PNPLA1: variants seen among roughly 807,000 people sequenced by gnomAD.
PNPLA1 encodes omega-hydroxyceramide transacylase.
In PNPLA1, 36 loss-of-function variants were observed where a neutral mutation model predicts 51.7. The observed-to-expected ratio is 0.70, with a 90% CI of 0.53 to 0.92. PNPLA1 has a LOEUF of 0.92. Ranked by LOEUF, PNPLA1 falls within the 40% of genes least tolerant of loss-of-function variation. PNPLA1 has a pLI of 0.00. For synonymous variants in PNPLA1, 293 were observed against 280.1 expected, an observed-to-expected ratio of 1.05 and a Z score of -0.46; for missense variants, 658 against 682.5, an observed-to-expected ratio of 0.96 and a Z score of 0.40.
chr6:36,295,160 G>A (rs969116957), intron 4 of PNPLA1, among the ~76,000 whole-genome samples: 1 of 152,206 alleles, frequency 6.6e-6, no homozygotes, highest in African/African-American at 2.4e-5. Context: ...ACTCATGAAC[G>A]GAGCATCACT....
chr6:36,308,009 G>A, intron 8 of PNPLA1: 1 of 246,940 alleles, frequency 4.0e-6, no homozygotes, highest in Non-Finnish European at 7.9e-6. Flanking sequence ...TTCATAGAAT[G>A]CAGAATGTGT....
chr6:36,302,821 AT>A (rs1342899675), intron 6 of PNPLA1, among the ~76,000 whole-genome samples: 1 of 151,946 alleles, frequency 6.6e-6, no homozygotes, highest in African/African-American at 2.4e-5. Context: ...CCTCCAGGTG[AT>A]TTTTTGCCTG....
At chr6:36,285,138 G>C (rs1455104952) in intron 1 of PNPLA1, among the ~76,000 whole-genome samples, 1 of 152,188 alleles carries the variant, frequency 6.6e-6, no homozygotes. Flanking sequence ...ATACCCACAG[G>C]AAAATGCAGA....
chr6:36,265,313 C>G (rs1347747458), upstream of PNPLA1, among the ~76,000 whole-genome samples: 1 of 152,108 alleles, frequency 6.6e-6, no homozygotes, highest in Non-Finnish European at 1.5e-5. Context: ...TGCACTCCAT[C>G]CTGGGCAACA....
chr6:36,276,734 G>A (rs140558485), intron 1 of PNPLA1, among the ~76,000 whole-genome samples: 1 of 151,188 alleles, frequency 6.6e-6, no homozygotes, highest in African/African-American at 2.4e-5. Context: ...CCGTCCCTTC[G>A]TTCCTTTCTT....
chr6:36,282,842 G>A (rs1023067919), intron 1 of PNPLA1, among the ~76,000 whole-genome samples: 1 of 151,988 alleles, frequency 6.6e-6, no homozygotes, highest in Admixed American at 6.6e-5. Flanking sequence ...ATCCCACCAC[G>A]TCCAGCTAAT....
chr6:36,307,522 G>C, intron 7 of PNPLA1, 65 bp from the exon 8 acceptor site: 1 of 1,583,504 alleles, frequency 6.3e-7, no homozygotes, highest in Non-Finnish European at 8.6e-7. Flanking sequence ...GAGCTGAGCA[G>C]GCCACCATGT....
At chr6:36,269,007 A>G (rs527599684), upstream of PNPLA1, among the ~76,000 whole-genome samples, 134 of 151,888 alleles carry the variant, frequency 8.8e-4, no homozygotes, top group Non-Finnish European at 1.4e-3. Context: ...TATCTAATCT[A>G]AAGCTCTCTT....
chr6:36,260,296 T>C (rs998409874), intron 1 of PNPLA1, among the ~76,000 whole-genome samples: 1 of 151,892 alleles, frequency 6.6e-6, no homozygotes, highest in African/African-American at 2.4e-5. Flanking sequence ...CCCTAAAATA[T>C]AAAAATAAGG....
At chr6:36,254,108 A>C (rs371804685) in intron 1 of PNPLA1, among the ~76,000 whole-genome samples, 50 of 152,224 alleles carry the variant, frequency 3.3e-4, no homozygotes, top group Non-Finnish European at 6.2e-4. Context: ...ACAGCTAAAC[A>C]ACCATTAAAT....
intron 1 of PNPLA1, among the ~76,000 whole-genome samples, chr6:36,262,908 T>A (rs1257786171): frequency 1.3e-5 from 2 of 152,246 alleles, no homozygotes; most frequent in East Asian, 3.8e-4. Context: ...CAATTGATGC[T>A]GTATTTAAAA....
intron 1 of PNPLA1, among the ~76,000 whole-genome samples, chr6:36,272,935 A>C (rs1769964256): frequency 6.6e-6 from 1 of 152,196 alleles, no homozygotes; most frequent in Admixed American, 6.5e-5. Flanking sequence ...CAAAATTCAA[A>C]CAGTGCGAAA....
At chr6:36,274,235 C>T (rs1342464818) in intron 1 of PNPLA1, among the ~76,000 whole-genome samples, 1 of 152,174 alleles carries the variant, frequency 6.6e-6, no homozygotes, top group African/African-American at 2.4e-5. Flanking sequence ...TATAGTCACA[C>T]AGATAGCACT....
intron 1 of PNPLA1, among the ~76,000 whole-genome samples, chr6:36,289,841 G>T (rs1043822389): frequency 6.6e-6 from 1 of 152,176 alleles, no homozygotes; most frequent in Non-Finnish European, 1.5e-5. Context: ...GGAATAATCG[G>T]TAAACCATAA....
rs185312959 is a variant in PNPLA1, at chr6:36,291,486, C to T, written c.372C>T (p.Leu124=). ...KVTTGKLHVS[L]TRLTDGENVV... is the part of the protein sequence containing the mutation. The stretch of plus-strand genomic sequence containing the variant: ...CCACGGGGAAGCTCCATGTGAGCCT[C>T]ACCCGCTTAACGGACGGGGAGAATG... Residue 124 remains leucine (L), a synonymous_variant, in exon 2 of 9, where the codon CTC becomes CTT. Coordinates refer to ENST00000636260, the MANE Select transcript of PNPLA1 (RefSeq NM_001374623.1). The T allele has an allele frequency of 1.0e-4, 166 of 1,613,770 alleles. 1 individual carries two copies. In the East Asian group the frequency reaches 3.1e-3, roughly 30 times the overall value.
In PNPLA1 at chr6:36,302,311, G is replaced by A; in HGVS notation, c.1226G>A (p.Gly409Glu). Reference protein sequence around the residue: ...LSPQQQVQPSGSPARSLHSQA... With the variant: ...LSPQQQVQPSESPARSLHSQA... Reference sequence around the variant, plus strand: ...CCTCAGCAGCAGGTACAACCGTCTGGATCACCAGCCAGATCCCTACACTCT... The same window carrying A: ...CCTCAGCAGCAGGTACAACCGTCTGAATCACCAGCCAGATCCCTACACTCT... The change falls in exon 6 of 9, where the codon GGA (glycine) becomes GAA (glutamate). Residue 409 changes from glycine (G) to glutamate (E), a missense_variant. By Grantham distance (98) the Gly-to-Glu change is moderately conservative (BLOSUM62 -2). Coordinates refer to ENST00000636260, the MANE Select transcript of PNPLA1 (RefSeq NM_001374623.1). 1 of 1,614,046 alleles carries A rather than the reference G, an allele frequency of 6.2e-7. No homozygotes were observed. The highest frequency in any genetic ancestry group is 8.5e-7 in the Non-Finnish European group (1 of 1,179,972).
In PNPLA1 at chr6:36,252,429, G is replaced by A. The variant is rs74706751; in HGVS notation, c.-81+9168G>A. 1.9e-3 allele frequency among the ~76,000 whole-genome samples: 296 copies of A among 152,168 alleles called. 4 individuals are homozygous for A. In the East Asian group the frequency reaches 0.034, roughly 18 times the overall value. ...GGCAGCCCTGAGCGCAGACCTTCAC[G>A]GAGGGGACAGAGAGGCGGGGATGGA... On this transcript the variant is annotated intron_variant, in intron 1 of 7. Coordinates refer to the PNPLA1 transcript ENST00000312917.
chr6:36,251,736 G>A (rs370273534), intron 1 of PNPLA1, among the ~76,000 whole-genome samples: 44 of 152,006 alleles, frequency 2.9e-4, no homozygotes, highest in African/African-American at 9.2e-4. Context: ...CCAGGAGTTC[G>A]AAACCAACCT....
chr6:36,302,698 G>A (rs1037509999), intron 6 of PNPLA1, among the ~76,000 whole-genome samples: 5 of 152,140 alleles, frequency 3.3e-5, no homozygotes, highest in African/African-American at 1.2e-4. Flanking sequence ...TCCCCCTACC[G>A]GCAGCAAAAG....
Sources: allele counts gnomAD v4.1 joint callset (sites outside exome capture counted in the v4.1 genomes callset), GRCh38; gene constraint gnomAD v4.1.1; transcripts MANE v1.5; gene names NCBI Gene and HGNC (gene_info 2026-07-23, HGNC 2026-07-21).